Variants in OR2T12 observed in about 807,000 individuals in gnomAD.
OR2T12 encodes olfactory receptor 2T12.
For missense variants in OR2T12, 335 were observed against 404.3 expected (o/e 0.83, Z 1.47); for synonymous variants, 127 against 160.5 (o/e 0.79, Z 1.58).
chr1:248,300,999 A>C (rs891082631), intron 2 of OR2T12, among the ~76,000 whole-genome samples: 1 of 152,150 alleles, frequency 6.6e-6, no homozygotes, highest in Non-Finnish European at 1.5e-5. Context: ...TTACAAATGT[A>C]AATCTACATA....
intron 2 of OR2T12, among the ~76,000 whole-genome samples, chr1:248,298,174 A>G (rs1344388337): frequency 2.0e-5 from 3 of 152,062 alleles, no homozygotes; most frequent in Non-Finnish European, 4.4e-5. Flanking sequence ...CTTATATTGA[A>G]CCAGCCTTGC....
Position 248,298,477 on chromosome 1 carries a change from G to T in OR2T12, c.-8-2891C>A, listed in dbSNP as rs576026167. Among the ~76,000 whole-genome samples, 36 of 152,002 alleles carry T rather than the reference G, an allele frequency of 2.4e-4. 1 individual carries two copies. The highest frequency in any genetic ancestry group is 4.4e-5 in the Non-Finnish European group (3 of 68,016). On this transcript the variant is annotated intron_variant, in intron 2 of 2. Coordinates refer to ENST00000641276, the MANE Select transcript of OR2T12 (RefSeq NM_001004692.2). ...TAGAATTTGCCTGTGAATCCTTCTGGTCCTGGACTCTTTTTGGTGGGTAAG... is the reference window on the plus strand; with the variant it reads ...TAGAATTTGCCTGTGAATCCTTCTGTTCCTGGACTCTTTTTGGTGGGTAAG...
rs540630511 is a variant in OR2T12 at position 248,299,521 on chromosome 1, T to C, written c.-9+1852A>G. ...TATATATGCACCCAATACAGGAGCATCCAGATTCATAAAGCAAATCCTGAG... is the reference window on the plus strand; with the variant it reads ...TATATATGCACCCAATACAGGAGCACCCAGATTCATAAAGCAAATCCTGAG... On this transcript the variant is annotated intron_variant, in intron 2 of 2. Coordinates refer to ENST00000641276, the MANE Select transcript of OR2T12 (RefSeq NM_001004692.2). Among the ~76,000 whole-genome samples the C allele has an allele frequency of 9.2e-5, 14 of 152,094 alleles. No individual in the cohort carries two copies. The South Asian group carries it at 2.3e-3, about 25-fold the overall frequency.
At chr1:248,295,839 T>A (rs941672095) in intron 2 of OR2T12, among the ~76,000 whole-genome samples, 6 of 149,804 alleles carry the variant, frequency 4.0e-5, no homozygotes, top group Non-Finnish European at 7.4e-5. Flanking sequence ...TGAATAAAAA[T>A]TTTTTTTTTA....
At chr1:248,299,770 A>T (rs1249488297) in intron 2 of OR2T12, among the ~76,000 whole-genome samples, 2 of 152,128 alleles carry the variant, frequency 1.3e-5, no homozygotes, top group East Asian at 1.9e-4. Context: ...TCCAAAATTG[A>T]CCACATAGTT....
chr1:248,293,382 T>C lies in OR2T12; in HGVS notation c.*1234A>G, dbSNP rs572401349. ...TCCTCCTTCGTGTTAAAAACTTATA[T>C]TATTTCTTAAGTGTGTTTTACATAT... On this transcript the variant is annotated 3_prime_UTR_variant, in exon 3 of 3. Coordinates refer to ENST00000641276, the MANE Select transcript of OR2T12 (RefSeq NM_001004692.2). 4 of 152,260 alleles carry C rather than the reference T, an allele frequency of 2.6e-5. No individual in the cohort carries two copies. The highest frequency in any genetic ancestry group is 2.6e-4 in the Admixed American group (4 of 15,290). 9.4% of individuals were successfully genotyped at this position (152,260 alleles called of 1,614,324 possible). A position where few individuals can be genotyped will look rare whatever the true frequency, so the allele number is the denominator to read the frequency against.
chr1:248,294,914 G>A lies in OR2T12; in HGVS notation c.665C>T (p.Ala222Val), dbSNP rs1484294470. 2.5e-6 allele frequency: 4 copies of A among 1,611,950 alleles called. No individual in the cohort carries two copies. Among genetic ancestry groups the A allele is most frequent in the Admixed American group, 1.7e-5 (1 of 59,986 alleles). Residue 222 changes from alanine (A) to valine (V), a missense_variant, in exon 3 of 3, where the codon GCT (alanine) becomes GTT (valine). Coordinates refer to ENST00000641276, the MANE Select transcript of OR2T12 (RefSeq NM_001004692.2). Reference sequence around the variant, plus strand: ...TTCTGTAGAGCGCATGAGCAGAACAGCAGCGAGGATGAGACCATAGGAGGA... The same window carrying A: ...TTCTGTAGAGCGCATGAGCAGAACAACAGCGAGGATGAGACCATAGGAGGA... ...ILSSYGLILAAVLLMRSTEAR... is the reference protein window; with the variant it reads ...ILSSYGLILAVVLLMRSTEAR...
At chr1:248,301,137 A>C (rs1179063757) in intron 2 of OR2T12, among the ~76,000 whole-genome samples, 17 of 152,162 alleles carry the variant, frequency 1.1e-4, no homozygotes, top group Admixed American at 2.0e-4. Context: ...GCTAAAATTG[A>C]CTTCATTGAT....
intron 1 of OR2T12, 77 bp from the exon 2 acceptor site, chr1:248,301,630 A>T (rs912308901): frequency 3.3e-5 from 5 of 152,018 alleles, no homozygotes; most frequent in African/African-American, 1.2e-4. Context: ...AATATTTTGA[A>T]CTCTGCATTA....
chr1:248,302,039 TAAA>T (rs754524455), intron 1 of OR2T12, among the ~76,000 whole-genome samples: 5 of 131,164 alleles, frequency 3.8e-5, no homozygotes, highest in African/African-American at 1.1e-4. Flanking sequence ...CAGAACTTGA[TAAA>T]AAAAAAAAAA....
rs1467120236 is a variant in OR2T12 at position 248,293,183 on chromosome 1, G to A, written c.*1433C>T. Reference sequence around the variant, plus strand: ...TCAGGATCTGCATGCAGTGGTTAAGGTACTATCTTAACTATATTACTGCTT... The same window carrying A: ...TCAGGATCTGCATGCAGTGGTTAAGATACTATCTTAACTATATTACTGCTT... On this transcript the variant is annotated 3_prime_UTR_variant, in exon 3 of 3. Transcript: ENST00000641276. The A allele has an allele frequency of 6.6e-6, 1 of 152,056 alleles. No individual in the cohort carries two copies. Among genetic ancestry groups the A allele is most frequent in the African/African-American group, 2.4e-5 (1 of 41,426 alleles). The allele number at this position is 152,056 out of a possible 1,614,324, so 9.4% of individuals were successfully genotyped here. A position where few individuals can be genotyped will look rare whatever the true frequency, so the allele number is the denominator to read the frequency against.
Position 248,294,784 on chromosome 1 carries a change from G to A in OR2T12, c.795C>T (p.Ser265=), listed in dbSNP as rs1428277309. Residue 265 remains serine (S), a synonymous_variant, in exon 3 of 3, where the codon TCC becomes TCT. Transcript: ENST00000641276. ...CTGACACAACCTTATCGTGGTTAGT[G>A]GACCTGTGGGATTTGGGTCTCATAT... The part of the protein sequence containing the change: ...FTYMRPKSHR[S]TNHDKVVSAF... 6.2e-7 allele frequency: 1 copy of A among 1,613,766 alleles called. No individual in the cohort carries two copies. Among genetic ancestry groups the A allele is most frequent in the Non-Finnish European group, 8.5e-7 (1 of 1,179,890 alleles).
chr1:248,297,043 A>G (rs1283713868), intron 2 of OR2T12, among the ~76,000 whole-genome samples: 2 of 152,114 alleles, frequency 1.3e-5, no homozygotes, highest in Non-Finnish European at 2.9e-5. Flanking sequence ...AGGTGTAAGG[A>G]AGGGATCCAG....
At chr1:248,296,108 G>T (rs1394846496) in intron 2 of OR2T12, among the ~76,000 whole-genome samples, 1 of 150,896 alleles carries the variant, frequency 6.6e-6, no homozygotes, top group African/African-American at 2.4e-5. Context: ...CCCGGTGTTT[G>T]GTTTTTTGTC....
rs550814019 is a variant in OR2T12 at position 248,291,135 on chromosome 1, A to C, written c.*3481T>G. The stretch of plus-strand genomic sequence containing the variant: ...CTGTTTACTCTGATGAATCCAAAGG[A>C]AGAGAGGAAGTCAAACTGCCTCTGT... On this transcript the variant is annotated 3_prime_UTR_variant, in exon 3 of 3. Transcript: ENST00000641276. 1 of 152,200 alleles carries C rather than the reference A, an allele frequency of 6.6e-6. No individual in the cohort carries two copies. Among genetic ancestry groups the C allele is most frequent in the East Asian group, 1.9e-4 (1 of 5,186 alleles). The allele number at this position is 152,200 out of a possible 1,614,324, so 9.4% of individuals were successfully genotyped here.
intron 2 of OR2T12, among the ~76,000 whole-genome samples, chr1:248,297,333 G>A (rs1659745200): frequency 6.6e-6 from 1 of 152,104 alleles, no homozygotes; most frequent in African/African-American, 2.4e-5. Flanking sequence ...ACTTGGTGAT[G>A]TGGGCTCTTT....
At chr1:248,296,378 G>A (rs539086405) in intron 2 of OR2T12, among the ~76,000 whole-genome samples, 1 of 152,280 alleles carries the variant, frequency 6.6e-6, no homozygotes, top group African/African-American at 2.4e-5. Context: ...CCAGTAATGG[G>A]ATGGCTGGGT....
chr1:248,295,663 T>C, intron 2 of OR2T12, 77 bp from the exon 3 acceptor site: 2 of 1,512,126 alleles, frequency 1.3e-6, no homozygotes, highest in Non-Finnish European at 1.8e-6. Flanking sequence ...ACTGCACAGT[T>C]TCTGGACATA....
At chr1:248,295,853 T>G (rs1482197294) in intron 2 of OR2T12, among the ~76,000 whole-genome samples, 1 of 152,104 alleles carries the variant, frequency 6.6e-6, no homozygotes, top group African/African-American at 2.4e-5. Flanking sequence ...TTTTTTAGTT[T>G]TGTTATTTTT....
Sources: allele counts gnomAD v4.1 joint callset (sites outside exome capture counted in the v4.1 genomes callset), GRCh38; gene constraint gnomAD v4.1.1; transcripts MANE v1.5; gene names NCBI Gene and HGNC (gene_info 2026-07-23, HGNC 2026-07-21).